The following FSTL1 variants were observed in gnomAD, a reference collection of about 807,000 sequenced individuals.
FSTL1 encodes follistatin-related protein 1.
A neutral mutation model predicts 45.9 loss-of-function variants in FSTL1; 24 were observed. That is an observed-to-expected ratio of 0.52 (90% CI 0.38 to 0.74). The LOEUF (loss-of-function observed/expected upper bound fraction) is 0.74, where lower values mean the gene tolerates loss of function less well. FSTL1 is among the 30% of genes least tolerant of loss of function. The pLI is 0.00. For synonymous variants in FSTL1, 120 were observed against 137.6 expected (o/e 0.87, Z 0.89); for missense variants, 340 against 381.8 (o/e 0.89, Z 0.91).
intron 6 of FSTL1, among the ~76,000 whole-genome samples, chr3:120,405,944 G>A (rs780607390): frequency 2.0e-5 from 3 of 152,132 alleles, no homozygotes; most frequent in Non-Finnish European, 2.9e-5. Context: ...GCTGCCCTGG[G>A]AAAGGATCAG....
chr3:120,419,452 G>C (rs1382973788), intron 2 of FSTL1: 1 of 152,248 alleles, frequency 6.6e-6, no homozygotes, highest in African/African-American at 2.4e-5. Flanking sequence ...TGCTTAGGGT[G>C]GTGGGTAGTC....
Position 120,422,645 on chromosome 3 carries a change from C to T in FSTL1, c.64-6618G>A, listed in dbSNP as rs773395954. On this transcript the variant is annotated intron_variant, in intron 2 of 10. Transcript: ENST00000295633. ...TCCAGATAAGAGATATATCGCCTGA[C>T]GAAGATTAGCTTTAAGATTTAAAAA... is the stretch of plus-strand genomic sequence containing the variant. Among the ~76,000 whole-genome samples the T allele has an allele frequency of 4.0e-5, 6 of 151,882 alleles. No individual in the cohort carries two copies. In the East Asian group the frequency reaches 5.8e-4, roughly 15 times the overall value.
chr3:120,412,886 C>T (rs1277593308), intron 3 of FSTL1, among the ~76,000 whole-genome samples: 4 of 149,600 alleles, frequency 2.7e-5, no homozygotes, highest in Non-Finnish European at 5.9e-5. Flanking sequence ...TCCAATTCTT[C>T]TGCAGCCTAA....
At chr3:120,405,431 C>T (rs756185407) in intron 6 of FSTL1, among the ~76,000 whole-genome samples, 5 of 152,216 alleles carry the variant, frequency 3.3e-5, no homozygotes, top group Non-Finnish European at 7.3e-5. Flanking sequence ...ATGCAGATGA[C>T]CCTCTGAGCT....
At chr3:120,415,010 A>G (rs2700261) in intron 3 of FSTL1, among the ~76,000 whole-genome samples, 61,089 of 151,426 alleles carry the variant, frequency 0.4, 14,385 homozygotes, top group East Asian at 0.79. Context: ...AATTAAAAAA[A>G]AAAGAAAGAA....
At position 120,392,890 on chromosome 3, in the gene FSTL1, A is replaced by G. The variant is rs1189044483; in HGVS notation, c.*4062T>C. On this transcript the variant is annotated 3_prime_UTR_variant, in exon 11 of 11. Coordinates refer to ENST00000295633, the MANE Select transcript of FSTL1 (RefSeq NM_007085.5). ...GATAACTTGATAAAGAAGCTCTAAAATAAAGCTGATCAAAGTAACATACTT... is the reference window on the plus strand; with the variant it reads ...GATAACTTGATAAAGAAGCTCTAAAGTAAAGCTGATCAAAGTAACATACTT... 1.3e-5 allele frequency: 2 copies of G among 152,188 alleles called. No individual in the cohort carries two copies. Among genetic ancestry groups the G allele is most frequent in the Admixed American group, 6.5e-5 (1 of 15,278 alleles). 9.4% of individuals were successfully genotyped at this position (152,188 alleles called of 1,614,324 possible).
At chr3:120,432,005 C>T (rs1043249254) in intron 2 of FSTL1, among the ~76,000 whole-genome samples, 2 of 152,154 alleles carry the variant, frequency 1.3e-5, no homozygotes, top group South Asian at 2.1e-4. Flanking sequence ...TTTGGTACTT[C>T]CTCTCTGTAA....
At chr3:120,415,399 A>C (rs1937170105) in intron 3 of FSTL1, among the ~76,000 whole-genome samples, 1 of 152,234 alleles carries the variant, frequency 6.6e-6, no homozygotes, top group Non-Finnish European at 1.5e-5. Flanking sequence ...ATGAGTTAAA[A>C]GTATATGTGC....
At chr3:120,418,952 T>C (rs1375021759) in intron 2 of FSTL1, 2 of 152,158 alleles carry the variant, frequency 1.3e-5, no homozygotes, top group African/African-American at 4.8e-5. Context: ...TCCCTTGCAC[T>C]GCAGTGATAA....
chr3:120,415,167 A>G (rs1448372499), intron 3 of FSTL1, among the ~76,000 whole-genome samples: 1 of 151,002 alleles, frequency 6.6e-6, no homozygotes, highest in African/African-American at 2.4e-5. Context: ...CATCTCATCT[A>G]CTGTTTTTAA....
rs959681705 is a variant in FSTL1, at chr3:120,395,349, G to A, written c.*1603C>T. On this transcript the variant is annotated 3_prime_UTR_variant, in exon 11 of 11. Transcript: ENST00000295633. ...AGTGGGGTTAATAATCACAGAAGTCGAAAGACACAGGACTAACTGTAAATG... is the reference window on the plus strand; with the variant it reads ...AGTGGGGTTAATAATCACAGAAGTCAAAAGACACAGGACTAACTGTAAATG... 2 of 262,068 alleles carry A rather than the reference G, an allele frequency of 7.6e-6. No homozygotes were observed. The highest frequency in any genetic ancestry group is 5.5e-5 in the Admixed American group (1 of 18,078). 16.2% of individuals were successfully genotyped at this position (262,068 alleles called of 1,614,324 possible). A position where few individuals can be genotyped will look rare whatever the true frequency, so the allele number is the denominator to read the frequency against.
Position 120,409,670 on chromosome 3 carries a change from A to G in FSTL1, c.332-8T>C, listed in dbSNP as rs201141663. ...TGGACTGATAGCAAACAACTGCAGG[A>G]AAGTGGAGGATGTCAGCTGGAGCAG... is the stretch of plus-strand genomic sequence containing the variant. On this transcript the variant is annotated splice_polypyrimidine_tract_variant and splice_region_variant and intron_variant, in intron 5 of 10. Transcript: ENST00000295633. 7.4e-6 allele frequency: 12 copies of G among 1,613,774 alleles called. No individual in the cohort carries two copies. Among genetic ancestry groups the G allele is most frequent in the Non-Finnish European group, 1.0e-5 (12 of 1,179,764 alleles).
At chr3:120,404,430 G>A (rs1421613219) in intron 7 of FSTL1, among the ~76,000 whole-genome samples, 1 of 152,120 alleles carries the variant, frequency 6.6e-6, no homozygotes, top group East Asian at 1.9e-4. Context: ...GCATATATCT[G>A]TAACAGTTAG....
At chr3:120,425,292 AG>A (rs1387864891) in intron 2 of FSTL1, among the ~76,000 whole-genome samples, 1 of 151,986 alleles carries the variant, frequency 6.6e-6, no homozygotes, top group Non-Finnish European at 1.5e-5. Context: ...CAGGAAGCCT[AG>A]AGAGCTCCCA....
intron 7 of FSTL1, 47 bp from the exon 8 acceptor site, chr3:120,403,401 C>T: frequency 8.5e-7 from 1 of 1,177,704 alleles, no homozygotes; most frequent in Non-Finnish European, 1.3e-6. Flanking sequence ...CTCAGCTTCG[C>T]TCAGAAGAAA....
rs567003017 is a variant in FSTL1, at chr3:120,443,028, G to A, written c.63+7656C>T. ...TTAGTGGGTGCAGTGCACCAGCATG[G>A]CACATGTATACATATGTAACTAACC... On this transcript the variant is annotated intron_variant, in intron 2 of 10. Coordinates refer to ENST00000295633, the MANE Select transcript of FSTL1 (RefSeq NM_007085.5). Among the ~76,000 whole-genome samples the A allele has an allele frequency of 8.5e-4, 125 of 147,110 alleles. 8 individuals carry two copies. The highest frequency in any genetic ancestry group is 3.3e-3 in the African/African-American group (122 of 37,216).
chr3:120,405,578 A>G (rs188340770), intron 6 of FSTL1, among the ~76,000 whole-genome samples: 5 of 152,326 alleles, frequency 3.3e-5, no homozygotes, highest in Admixed American at 3.3e-4. Flanking sequence ...CAAAGCAATA[A>G]GCTACAGACA....
intron 3 of FSTL1, among the ~76,000 whole-genome samples, chr3:120,413,996 C>T (rs745353348): frequency 4.9e-4 from 75 of 151,856 alleles, no homozygotes; most frequent in Non-Finnish European, 7.7e-4. Context: ...TTGGCCAGGC[C>T]GGTCTCCAGC....
rs1453756918 is a variant in FSTL1, at chr3:120,396,288, G to A, written c.*664C>T. The A allele has an allele frequency of 6.6e-6, 1 of 152,480 alleles. No individual in the cohort carries two copies. Among genetic ancestry groups the A allele is most frequent in the Non-Finnish European group, 1.5e-5 (1 of 68,120 alleles). The allele number at this position is 152,480 out of a possible 1,614,324, so 9.4% of individuals were successfully genotyped here. A position where few individuals can be genotyped will look rare whatever the true frequency, so the allele number is the denominator to read the frequency against. Reference sequence around the variant, plus strand: ...TAAAGTCAACTTGCCAAAAAAAAGTGTTTTACAGAGAAATAGCACCTTTGG... The same window carrying A: ...TAAAGTCAACTTGCCAAAAAAAAGTATTTTACAGAGAAATAGCACCTTTGG... On this transcript the variant is annotated 3_prime_UTR_variant, in exon 11 of 11. Transcript: ENST00000295633.
Sources: gnomAD v4.1 joint callset for allele counts (sites outside exome capture counted in the v4.1 genomes callset) on GRCh38, gnomAD v4.1.1 for gene constraint, MANE v1.5 for transcripts, NCBI Gene and HGNC (gene_info 2026-07-23, HGNC 2026-07-21) for gene names.